UBXN8: variants seen among roughly 807,000 people sequenced by gnomAD.
The protein encoded by UBXN8 is UBX domain protein 8, also known as UBX domain-containing protein 8.
Under a neutral mutation model 32.1 loss-of-function variants are expected in UBXN8, and 27 were observed. The ratio of observed to expected loss-of-function variants is 0.84; its 90% CI spans 0.62 to 1.16. The LOEUF (loss-of-function observed/expected upper bound fraction) is 1.16, where lower values mean the gene tolerates loss of function less well. UBXN8 is among the 50% of genes most tolerant of loss of function. The pLI, the probability that UBXN8 is intolerant of heterozygous loss-of-function variation, is 0.00. For missense variants in UBXN8, 306 were observed against 311.4 expected (o/e 0.98, Z 0.13); for synonymous variants, 109 against 111.8 (o/e 0.98, Z 0.16).
chr8:30,743,009 C>A (rs984504079), upstream of UBXN8, among the ~76,000 whole-genome samples: 1 of 151,930 alleles, frequency 6.6e-6, no homozygotes, highest in African/African-American at 2.4e-5. Flanking sequence ...AACTGTGGAG[C>A]TCAATAAATT....
intron 1 of UBXN8, among the ~76,000 whole-genome samples, chr8:30,734,621 TA>T (rs879502378): frequency 1.7e-3 from 244 of 145,094 alleles, no homozygotes; most frequent in Admixed American, 5.3e-3. Flanking sequence ...CACTATCTCT[TA>T]AAAAAAAAAA....
At chr8:30,737,440 T>A (rs1014595374) in intron 1 of UBXN8, among the ~76,000 whole-genome samples, 4 of 152,200 alleles carry the variant, frequency 2.6e-5, no homozygotes, top group African/African-American at 9.7e-5. Flanking sequence ...AGCTGACATA[T>A]AAAACTAGTC....
At chr8:30,742,329 C>T (rs1246983925), upstream of UBXN8, among the ~76,000 whole-genome samples, 1 of 152,154 alleles carries the variant, frequency 6.6e-6, no homozygotes, top group African/African-American at 2.4e-5. Context: ...TAGCAACAAT[C>T]TACCTCTAAA....
chr8:30,761,530 C>G (rs1037629268), intron 6 of UBXN8, among the ~76,000 whole-genome samples: 5 of 152,218 alleles, frequency 3.3e-5, no homozygotes, highest in Admixed American at 1.3e-4. Context: ...CACCCACCCA[C>G]TGCCTCAGGC....
chr8:30,736,748 C>G (rs558563527), intron 1 of UBXN8, among the ~76,000 whole-genome samples: 1 of 152,346 alleles, frequency 6.6e-6, no homozygotes, highest in Admixed American at 6.5e-5. Flanking sequence ...GTTGGGATTA[C>G]AAGCGTGAGC....
intron 1 of UBXN8, among the ~76,000 whole-genome samples, chr8:30,748,982 A>G (rs1301154778): frequency 6.6e-6 from 1 of 152,218 alleles, no homozygotes; most frequent in African/African-American, 2.4e-5. Flanking sequence ...TTCCAAGAGG[A>G]TGGAAATCAT....
chr8:30,742,508 C>T (rs1040604608), upstream of UBXN8, among the ~76,000 whole-genome samples: 3 of 152,018 alleles, frequency 2.0e-5, no homozygotes, highest in Non-Finnish European at 4.4e-5. Flanking sequence ...CGCCATCACG[C>T]GCAGCTATTT....
chr8:30,760,420 CAT>C (rs1307823939), intron 5 of UBXN8, among the ~76,000 whole-genome samples: 34 of 85,582 alleles, frequency 4.0e-4, no homozygotes, highest in African/African-American at 1.4e-3. Flanking sequence ...CATACACAAT[CAT>C]ATATATATAT....
At chr8:30,731,537 T>A (rs1804958212), upstream of UBXN8, among the ~76,000 whole-genome samples, 1 of 152,144 alleles carries the variant, frequency 6.6e-6, no homozygotes, top group African/African-American at 2.4e-5. Flanking sequence ...AGAGCACGGC[T>A]CTTTGCTGCT....
chr8:30,739,910 TTTTTG>T (rs1276133165), upstream of UBXN8, among the ~76,000 whole-genome samples: 2 of 151,872 alleles, frequency 1.3e-5, no homozygotes, highest in Non-Finnish European at 2.9e-5. Context: ...TGCTTTTTGC[TTTTTG>T]TTTTGAGACA....
At chr8:30,756,963 C>T in intron 5 of UBXN8, 76 bp downstream of exon 5, 1 of 1,574,532 alleles carries the variant, frequency 6.4e-7, no homozygotes, top group South Asian at 1.2e-5. Context: ...AGGTGGTATA[C>T]TGGGTGAAGA....
intron 1 of UBXN8, among the ~76,000 whole-genome samples, chr8:30,747,894 C>CTTT (rs67334347): frequency 0.079 from 2,826 of 35,556 alleles, 263 homozygotes; most frequent in Non-Finnish European, 0.12. Context: ...TATATTTTTT[C>CTTT]TTTTTTTTTT....
chr8:30,763,548 T>C (rs1218431099), intron 7 of UBXN8, among the ~76,000 whole-genome samples: 1 of 152,278 alleles, frequency 6.6e-6, no homozygotes, highest in Non-Finnish European at 1.5e-5. Context: ...TTGTGATCTC[T>C]GCATTCACAT....
upstream of UBXN8, among the ~76,000 whole-genome samples, chr8:30,729,462 G>A (rs1426295742): frequency 1.3e-5 from 2 of 152,216 alleles, no homozygotes; most frequent in African/African-American, 2.4e-5. Context: ...TGAATTGCTT[G>A]ACACTTTGGT....
upstream of UBXN8, among the ~76,000 whole-genome samples, chr8:30,741,692 C>T (rs1805204749): frequency 6.6e-6 from 1 of 152,058 alleles, no homozygotes; most frequent in Admixed American, 6.6e-5. Flanking sequence ...TCAGGTGATC[C>T]ACCCACCTCG....
At chr8:30,738,989 A>G (rs1395330940) in intron 1 of UBXN8, among the ~76,000 whole-genome samples, 1 of 150,744 alleles carries the variant, frequency 6.6e-6, no homozygotes, top group African/African-American at 2.4e-5. Context: ...TTGCTGCTGT[A>G]TGATTCATGT....
At chr8:30,764,305 T>C (rs1805939139) in intron 7 of UBXN8, among the ~76,000 whole-genome samples, 4 of 152,294 alleles carry the variant, frequency 2.6e-5, no homozygotes. Flanking sequence ...TGTGAGTAGC[T>C]GGGACCAGGC....
chr8:30,751,331 T>C lies in UBXN8; in HGVS notation c.89-65T>C. ...GAGTTCGAGACCAGCCTAGTCAACA[T>C]AGTGAGACCTCATCTCTTAAAAAAA... On this transcript the variant is annotated intron_variant, in intron 1 of 7. Transcript: ENST00000265616. 6 of 1,367,460 alleles carry C rather than the reference T, an allele frequency of 4.4e-6. No homozygotes were observed. In the South Asian group the frequency reaches 5.4e-5, roughly 12 times the overall value. The allele number at this position is 1,367,460 out of a possible 1,614,324, so 84.7% of individuals were successfully genotyped here.
chr8:30,749,729 C>T (rs1198288959), intron 1 of UBXN8, among the ~76,000 whole-genome samples: 2 of 151,926 alleles, frequency 1.3e-5, no homozygotes, highest in Non-Finnish European at 2.9e-5. Context: ...CCTCAGCCTC[C>T]CAAGTAGCTG....
Sources: gnomAD v4.1 joint callset for allele counts (sites outside exome capture counted in the v4.1 genomes callset) on GRCh38, gnomAD v4.1.1 for gene constraint, MANE v1.5 for transcripts, NCBI Gene and HGNC (gene_info 2026-07-23, HGNC 2026-07-21) for gene names.